CFAP263: variants seen among roughly 807,000 people sequenced by gnomAD.
CFAP263 encodes the protein cilia and flagella associated protein 263, also known as cilia- and flagella-associated protein 263.
chr16:58,254,437 CAACAT>C, the CFAP263 span, among the ~76,000 whole-genome samples: 1 of 152,178 alleles, frequency 6.6e-6, no homozygotes, highest in African/African-American at 2.4e-5. Flanking sequence ...GAATGATCAT[CAACAT>C]ATGGCCTCTT....
At chr16:58,252,978 C>G in the CFAP263 span, 5 of 961,752 alleles carry the variant, frequency 5.2e-6, no homozygotes, top group Non-Finnish European at 7.9e-6. Flanking sequence ...CCCTGTTTTA[C>G]TTTTGATTTT....
chr16:58,254,998 A>G, the CFAP263 span, among the ~76,000 whole-genome samples: 2 of 152,180 alleles, frequency 1.3e-5, no homozygotes, highest in Non-Finnish European at 2.9e-5. Context: ...ACATGTATAT[A>G]TGAAAGGGAG....
At chr16:58,252,072 T>C in the CFAP263 span, among the ~76,000 whole-genome samples, 9 of 152,162 alleles carry the variant, frequency 5.9e-5, no homozygotes, top group Non-Finnish European at 1.2e-4. Flanking sequence ...ACTTCAAGAA[T>C]ATAGTAATTC....
chr16:58,279,321 A>C, the CFAP263 span, among the ~76,000 whole-genome samples: 12,875 of 152,148 alleles, frequency 0.085, 730 homozygotes, highest in Admixed American at 0.12. Context: ...CCTGGCTCCC[A>C]TTTCCTGTGT....
At chr16:58,265,454 C>A in the CFAP263 span, among the ~76,000 whole-genome samples, 1 of 152,168 alleles carries the variant, frequency 6.6e-6, no homozygotes, top group South Asian at 2.1e-4. Context: ...TCAAGAGGGG[C>A]CTCTGGGAGC....
At chr16:58,262,617 G>A in the CFAP263 span, 4 of 1,407,880 alleles carry the variant, frequency 2.8e-6, no homozygotes, top group East Asian at 2.3e-5. Flanking sequence ...AGGTTCTTGT[G>A]CATTCCAGTT....
chr16:58,268,043 AAGAGAG>A, the CFAP263 span, among the ~76,000 whole-genome samples: 56 of 92,250 alleles, frequency 6.1e-4, no homozygotes, highest in East Asian at 8.6e-3. Flanking sequence ...GAGAGAGAGG[AAGAGAG>A]AGAGAGAGAG....
the CFAP263 span, chr16:58,260,082 C>T: frequency 1.8e-6 from 1 of 568,176 alleles, no homozygotes; most frequent in Non-Finnish European, 3.1e-6. Context: ...AAGGATTTTG[C>T]AGATGTGATT....
At chr16:58,256,323 G>T in the CFAP263 span, among the ~76,000 whole-genome samples, 10 of 152,318 alleles carry the variant, frequency 6.6e-5, no homozygotes, top group African/African-American at 2.4e-4. Flanking sequence ...CAAGTGCAGA[G>T]ATCAGAGATC....
the CFAP263 span, among the ~76,000 whole-genome samples, chr16:58,260,503 C>T: frequency 6.6e-6 from 1 of 152,198 alleles, no homozygotes; most frequent in African/African-American, 2.4e-5. Context: ...TTTCTGTAGA[C>T]AGAGTTGGCG....
chr16:58,268,062 A>AGAGAGAGT, the CFAP263 span, among the ~76,000 whole-genome samples: 4 of 150,838 alleles, frequency 2.7e-5, no homozygotes, highest in African/African-American at 9.8e-5. Context: ...AGAGAGAGAG[A>AGAGAGAGT]GGTCATAACC....
At chr16:58,262,352 TATC>T in the CFAP263 span, 1 of 1,579,846 alleles carries the variant, frequency 6.3e-7, no homozygotes, top group African/African-American at 1.3e-5. Flanking sequence ...ACAACTGACG[TATC>T]ATCTTTTCTT....
the CFAP263 span, chr16:58,279,792 C>G: frequency 6.3e-7 from 1 of 1,589,120 alleles, no homozygotes; most frequent in Non-Finnish European, 8.6e-7. Context: ...AGGCAGGCCA[C>G]GGCTTACAGA....
chr16:58,268,151 G>A, the CFAP263 span, among the ~76,000 whole-genome samples: 1 of 152,200 alleles, frequency 6.6e-6, no homozygotes, highest in South Asian at 2.1e-4. Context: ...AAGGACAGCA[G>A]ACCTGTGACC....
chr16:58,264,302 G>A, the CFAP263 span, among the ~76,000 whole-genome samples: 1 of 152,186 alleles, frequency 6.6e-6, no homozygotes, highest in Non-Finnish European at 1.5e-5. Flanking sequence ...GGCCTGCCTG[G>A]TCCTGTGGGG....
chr16:58,272,076 G>A, the CFAP263 span, among the ~76,000 whole-genome samples: 17 of 150,254 alleles, frequency 1.1e-4, no homozygotes, highest in Non-Finnish European at 1.6e-4. Context: ...GTGCAGTGGC[G>A]TGATCTCGGC....
At chr16:58,257,862 C>T in the CFAP263 span, among the ~76,000 whole-genome samples, 2 of 151,746 alleles carry the variant, frequency 1.3e-5, no homozygotes, top group Admixed American at 6.6e-5. Context: ...AGTCCCAGCA[C>T]TTTGGGAGGC....
chr16:58,282,085 T>A, the CFAP263 span: 26,665 of 150,560 alleles, frequency 0.18, 2,999 homozygotes, highest in South Asian at 0.35. Flanking sequence ...CTCGGCTCGC[T>A]GCAACCTCCT....
chr16:58,254,991 T>A, the CFAP263 span, among the ~76,000 whole-genome samples: 2 of 152,078 alleles, frequency 1.3e-5, no homozygotes, highest in African/African-American at 4.8e-5. Context: ...AGAGTATACA[T>A]GTATATATGA....
Sources: allele counts gnomAD v4.1 joint callset (sites outside exome capture counted in the v4.1 genomes callset), GRCh38; gene constraint gnomAD v4.1.1; transcripts MANE v1.5; gene names NCBI Gene and HGNC (gene_info 2026-07-23, HGNC 2026-07-21).